Variants in ELANE observed in about 807,000 individuals in gnomAD.
ELANE encodes the protein neutrophil elastase.
Under a neutral mutation model 20.6 loss-of-function variants are expected in ELANE, and 12 were observed. That is an observed-to-expected ratio of 0.58 (90% CI 0.37 to 0.94). The LOEUF is 0.94. Ranked by LOEUF, ELANE falls within the 40% of genes least tolerant of loss-of-function variation. The pLI is 0.01. For synonymous variants in ELANE, 203 were observed against 177.4 expected, an observed-to-expected ratio of 1.14 and a Z score of -1.15; for missense variants, 388 against 395.2, an observed-to-expected ratio of 0.98 and a Z score of 0.15.
In ELANE at chr19:852,352, G is replaced by A. The variant is rs199901033; in HGVS notation, c.24G>A (p.Ala8=). The change falls in exon 1 of 5, where the codon GCG becomes GCA. Residue 8 remains alanine, a synonymous_variant. Transcript: ENST00000263621. ...CCATGACCCTCGGCCGCCGACTCGC[G>A]TGTCTTTTCCTCGCCTGTGTCCTGC... is the stretch of plus-strand genomic sequence containing the variant. MTLGRRL[A]CLFLACVLPA... is the part of the protein sequence containing the mutation. 5.0e-6 allele frequency: 8 copies of A among 1,611,008 alleles called. No homozygotes were observed. The African/African-American group carries it at 6.7e-5, about 13-fold the overall frequency.
rs1030030827 is a variant in ELANE, at chr19:855,288, G to A, written c.367-276G>A. On this transcript the variant is annotated intron_variant, in intron 3 of 4. Coordinates refer to ENST00000263621, the MANE Select transcript of ELANE (RefSeq NM_001972.4). The surrounding 1 kb of genome is among the most constrained non-coding windows in gnomAD (Gnocchi z 6.2). ...TTACAAGCATGAGCCACCGCGCCCG[G>A]CTGTAGTTTTTTTGTTAACTGAGCA... 6.6e-6 allele frequency among the ~76,000 whole-genome samples: 1 copy of A among 152,132 alleles called. No homozygotes were observed. The highest frequency in any genetic ancestry group is 1.5e-5 in the Non-Finnish European group (1 of 68,024).
At chr19:853,123 G>A in intron 2 of ELANE, 91 bp downstream of exon 2, 1 of 765,128 alleles carries the variant, frequency 1.3e-6, no homozygotes, top group Non-Finnish European at 1.8e-6. Flanking sequence ...GGCTGCTGGC[G>A]GGGGGGGGTC....
In ELANE at chr19:855,594, G is replaced by A; in HGVS notation, c.397G>A (p.Val133Met). ...CGGGTCGGCCACCATCAACGCCAAC[G>A]TGCAGGTGGCCCAGCTGCCGGCTCA... Reference protein sequence around the residue: ...LNGSATINANVQVAQLPAQGR... With the variant: ...LNGSATINANMQVAQLPAQGR... The change falls in exon 4 of 5, where the codon GTG (valine) becomes ATG (methionine). Residue 133 changes from valine (V) to methionine (M), a missense_variant. Transcript: ENST00000263621. The surrounding 1 kb of genome is among the most constrained non-coding windows in gnomAD (Gnocchi z 6.2). 3 of 1,600,846 alleles carry A rather than the reference G, an allele frequency of 1.9e-6. No homozygotes were observed. Among genetic ancestry groups the A allele is most frequent in the East Asian group, 2.2e-5 (1 of 44,866 alleles).
At position 855,773 on chromosome 19, in the gene ELANE, C is replaced by A. The variant is rs1039903663; in HGVS notation, c.576C>A (p.Gly192=). 2 of 1,608,596 alleles carry A rather than the reference C, an allele frequency of 1.2e-6. No individual in the cohort carries two copies. Among genetic ancestry groups the A allele is most frequent in the Non-Finnish European group, 1.7e-6 (2 of 1,179,946 alleles). ...RRSNVCTLVR[G]RQAGVCFGDS... ...GCAACGTCTGCACTCTCGTGAGGGG[C>A]CGGCAGGCCGGCGTCTGTTTCGTAC... The change falls in exon 4 of 5, where the codon GGC becomes GGA. Residue 192 remains glycine, a synonymous_variant. Transcript: ENST00000263621. The surrounding 1 kb of genome is among the most constrained non-coding windows in gnomAD (Gnocchi z 6.2).
At chr19:854,066 C>A (rs2035635866) in intron 3 of ELANE, among the ~76,000 whole-genome samples, 2 of 152,246 alleles carry the variant, frequency 1.3e-5, no homozygotes, top group African/African-American at 4.8e-5. Context: ...AGTCCTGTGG[C>A]CCAGGGCAGG....
At chr19:852,490 C>G (rs2035609264) in intron 1 of ELANE, 95 bp downstream of exon 1, 2 of 1,468,586 alleles carry the variant, frequency 1.4e-6, no homozygotes, top group Non-Finnish European at 1.8e-6. Flanking sequence ...GTCCCTCATC[C>G]TCACAGGGGA....
At position 856,139 on chromosome 19, in the gene ELANE, C is replaced by T. The variant is rs373765150; in HGVS notation, c.779C>T (p.Pro260Leu). The T allele has an allele frequency of 6.2e-6, 10 of 1,612,896 alleles. No homozygotes were observed. The East Asian group carries it at 1.1e-4, about 18-fold the overall frequency. ...AACCCCTGTCCCCACCCCCGGGACC[C>T]GGACCCGGCCAGCAGGACCCACTGA... ...EDNPCPHPRD[P>L]DPASRTH The change falls in exon 5 of 5, where the codon CCG (proline) becomes CTG (leucine). Residue 260 changes from proline (P) to leucine (L), a missense_variant. Physicochemically the swap from Pro to Leu is moderately conservative, Grantham distance 98. Transcript: ENST00000263621.
intron 3 of ELANE, among the ~76,000 whole-genome samples, chr19:854,215 G>A (rs921173179): frequency 6.6e-6 from 1 of 152,088 alleles, no homozygotes; most frequent in African/African-American, 2.4e-5. Flanking sequence ...AGGCTGAGGC[G>A]GGTGGATCAC....
At chr19:853,457 GGTGGAGGCTGCGACGGAGGGGCGC>G (rs2035629048) in intron 3 of ELANE, 54 bp downstream of exon 3, 1 of 1,543,388 alleles carries the variant, frequency 6.5e-7, no homozygotes, top group South Asian at 1.2e-5. Context: ...GCCTGGGGAG[GGTGGAGGCTGCGACGGAGGGGCGC>G]GTCGGGGCCG....
Position 853,367 on chromosome 19 carries a change from C to T in ELANE, c.330C>T (p.Asp110=), listed in dbSNP as rs996641598. The change falls in exon 3 of 5, where the codon GAC becomes GAT. Residue 110 remains aspartate, a synonymous_variant. Transcript: ENST00000263621. The stretch of plus-strand genomic sequence containing the variant: ...AGCGCATCTTCGAAAACGGCTACGA[C>T]CCCGTAAACTTGCTCAACGACATCG... The part of the protein sequence containing the change: ...AVQRIFENGY[D]PVNLLNDIVI... 1 of 1,611,414 alleles carries T rather than the reference C, an allele frequency of 6.2e-7. No homozygotes were observed. Among genetic ancestry groups the T allele is most frequent in the East Asian group, 2.2e-5 (1 of 44,816 alleles).
At chr19:854,469 G>A (rs966146094) in intron 3 of ELANE, among the ~76,000 whole-genome samples, 4 of 150,816 alleles carry the variant, frequency 2.7e-5, no homozygotes, top group African/African-American at 9.7e-5. Context: ...AAGGGTTAGA[G>A]GGAGAGTTTC....
rs1382122842 is a variant in ELANE, at chr19:853,389, A to G, written c.352A>G (p.Ile118Val). The G allele has an allele frequency of 9.9e-6, 16 of 1,609,352 alleles. 1 individual carries two copies. In the Middle Eastern group the frequency reaches 1.6e-3, roughly 166 times the overall value. Reference sequence around the variant, plus strand: ...CGACCCCGTAAACTTGCTCAACGACATCGTGATTCTCCAGGTGCCGCCGGG... The same window carrying G: ...CGACCCCGTAAACTTGCTCAACGACGTCGTGATTCTCCAGGTGCCGCCGGG... ...GYDPVNLLND[I>V]VILQLNGSAT... Residue 118 changes from isoleucine to valine, a missense_variant, in exon 3 of 5, where the codon ATC becomes GTC. Ile to Val is a conservative substitution (Grantham distance 29, BLOSUM62 3). Transcript: ENST00000263621.
rs2035630450 is a variant in ELANE, at chr19:853,539, G to A, written c.366+136G>A. ...TCGTGGGCTGGGTGGTCCCCTCTCC[G>A]CGCCTCGGTCTGCACCTCTGTGAAA... On this transcript the variant is annotated intron_variant, in intron 3 of 4. Transcript: ENST00000263621. The A allele has an allele frequency of 5.7e-6, 6 of 1,046,634 alleles. 1 individual carries two copies. The highest frequency in any genetic ancestry group is 4.8e-5 in the South Asian group (3 of 62,830). 64.8% of individuals were successfully genotyped at this position (1,046,634 alleles called of 1,614,324 possible).
chr19:852,568 C>T (rs551285029), intron 1 of ELANE, among the ~76,000 whole-genome samples, 173 bp downstream of exon 1: 9 of 127,352 alleles, frequency 7.1e-5, no homozygotes, highest in Non-Finnish European at 1.1e-4. Flanking sequence ...CACCAGGAGC[C>T]CAGAGTTGGG....
chr19:855,780 G>A lies in ELANE; in HGVS notation c.583G>A (p.Ala195Thr). The A allele has an allele frequency of 6.2e-7, 1 of 1,608,710 alleles. No individual in the cohort carries two copies. Residue 195 changes from alanine (A) to threonine (T), a missense_variant, in exon 4 of 5, where the codon GCC becomes ACC. Physicochemically the swap from Ala to Thr is moderately conservative, Grantham distance 58. Around this residue, in one of 3 missense-constraint regions of ELANE, gnomAD observed 321 missense variants for 309.8 expected, o/e 1.04. Coordinates refer to ENST00000263621, the MANE Select transcript of ELANE (RefSeq NM_001972.4). The surrounding 1 kb of genome is among the most constrained non-coding windows in gnomAD (Gnocchi z 6.2). ...NVCTLVRGRQ[A>T]GVCFGDSGSP... ...CTGCACTCTCGTGAGGGGCCGGCAG[G>A]CCGGCGTCTGTTTCGTACGTGCCCT...
intron 1 of ELANE, among the ~76,000 whole-genome samples, chr19:852,662 G>A (rs1368779278): frequency 1.3e-5 from 2 of 151,662 alleles, no homozygotes; most frequent in East Asian, 1.9e-4. Context: ...GAGGGGCACC[G>A]TGGGGAGGTC....
chr19:853,119 T>TG, intron 2 of ELANE, 87 bp downstream of exon 2: 1 of 1,095,080 alleles, frequency 9.1e-7, no homozygotes, highest in East Asian at 4.1e-5. Context: ...CCGGGGCTGC[T>TG]GGCGGGGGGG....
rs1466840847 is a variant in ELANE at position 852,996 on chromosome 19, A to G, written c.188A>G (p.Asn63Ser). The G allele has an allele frequency of 2.5e-6, 4 of 1,578,910 alleles. No homozygotes were observed. The highest frequency in any genetic ancestry group is 1.3e-5 in the African/African-American group (1 of 74,512). Residue 63 changes from asparagine (N) to serine (S), a missense_variant, in exon 2 of 5, where the codon AAC (asparagine) becomes AGC (serine). Physicochemically the swap from Asn to Ser is conservative, Grantham distance 46. This residue lies in a region of ELANE where 321 missense variants were observed against 309.8 expected (regional missense o/e 1.04). Coordinates refer to ENST00000263621, the MANE Select transcript of ELANE (RefSeq NM_001972.4). The stretch of plus-strand genomic sequence containing the variant: ...TGCGGCGCCACCCTGATTGCGCCCA[A>G]CTTCGTCATGTCGGCCGCGCACTGC... ...HFCGATLIAP[N>S]FVMSAAHCVA...
Position 856,137 on chromosome 19 carries a change from C to G in ELANE, c.777C>G (p.Asp259Glu). 1 of 1,612,966 alleles carries G rather than the reference C, an allele frequency of 6.2e-7. No homozygotes were observed. The highest frequency in any genetic ancestry group is 1.1e-5 in the South Asian group (1 of 91,090). The change falls in exon 5 of 5, where the codon GAC (aspartate) becomes GAG (glutamate). Residue 259 changes from aspartate (D) to glutamate (E), a missense_variant. This residue lies in a region of ELANE where 321 missense variants were observed against 309.8 expected (regional missense o/e 1.04). Transcript: ENST00000263621. Reference protein sequence around the residue: ...SEDNPCPHPRDPDPASRTH With the variant: ...SEDNPCPHPREPDPASRTH The stretch of plus-strand genomic sequence containing the variant: ...ACAACCCCTGTCCCCACCCCCGGGA[C>G]CCGGACCCGGCCAGCAGGACCCACT...
Sources: allele counts gnomAD v4.1 joint callset (sites outside exome capture counted in the v4.1 genomes callset), GRCh38; gene constraint gnomAD v4.1.1; regional missense constraint gnomAD v4.1.1; non-coding constraint Gnocchi (gnomAD v3.1); transcripts MANE v1.5; gene names NCBI Gene and HGNC (gene_info 2026-07-23, HGNC 2026-07-21).